The following ZNF420 variants were observed in gnomAD, a reference collection of about 807,000 sequenced individuals.
ZNF420 encodes ATM and p53-associated KZNF protein.
Under a neutral mutation model 44.7 loss-of-function variants are expected in ZNF420, and 31 were observed. The observed-to-expected ratio is 0.69, with a 90% CI of 0.52 to 0.94. The LOEUF (loss-of-function observed/expected upper bound fraction) is 0.94, where lower values mean the gene tolerates loss of function less well. ZNF420 is among the 40% of genes least tolerant of loss of function. The pLI, the probability that ZNF420 is intolerant of heterozygous loss-of-function variation, is 0.00. For missense variants in ZNF420, 681 were observed against 827.9 expected (o/e 0.82, Z 2.18); for synonymous variants, 245 against 267.4 (o/e 0.92, Z 0.82).
intron 4 of ZNF420, among the ~76,000 whole-genome samples, chr19:37,110,565 A>G (rs971312967): frequency 6.6e-6 from 1 of 152,208 alleles, no homozygotes; most frequent in Non-Finnish European, 1.5e-5. Context: ...TTGTTGTAAT[A>G]AATTGAATAG....
chr19:37,112,666 G>A (rs1342312465), intron 4 of ZNF420, among the ~76,000 whole-genome samples: 1 of 152,102 alleles, frequency 6.6e-6, no homozygotes, highest in Non-Finnish European at 1.5e-5. Flanking sequence ...AAACCCTCCT[G>A]TTCTTTTTAT....
At chr19:37,101,221 C>T (rs1969759053) in intron 4 of ZNF420, among the ~76,000 whole-genome samples, 6 of 152,062 alleles carry the variant, frequency 3.9e-5, no homozygotes, top group Admixed American at 3.9e-4. Context: ...AGGCCGGAAC[C>T]TGGTATCTCA....
At chr19:37,122,257 T>C (rs1971088956) in intron 4 of ZNF420, among the ~76,000 whole-genome samples, 1 of 152,140 alleles carries the variant, frequency 6.6e-6, no homozygotes, top group African/African-American at 2.4e-5. Flanking sequence ...ATGTGGCACA[T>C]ATATACCATG....
intron 1 of ZNF420, among the ~76,000 whole-genome samples, chr19:37,011,418 C>T (rs1240506619): frequency 6.6e-6 from 1 of 152,164 alleles, no homozygotes; most frequent in Non-Finnish European, 1.5e-5. Context: ...TGAGGGACAT[C>T]CTCTTCTGAG....
At position 37,078,506 on chromosome 19, in the gene ZNF420, G is replaced by T. The variant is rs961977902; in HGVS notation, c.-189G>T. The T allele has an allele frequency of 2.0e-5, 3 of 152,376 alleles. No homozygotes were observed. Among genetic ancestry groups the T allele is most frequent in the Admixed American group, 1.3e-4 (2 of 15,290 alleles). The allele number at this position is 152,376 out of a possible 1,614,324, so 9.4% of individuals were successfully genotyped here. A position where few individuals can be genotyped will look rare whatever the true frequency, so the allele number is the denominator to read the frequency against. The stretch of plus-strand genomic sequence containing the variant: ...TTGGCTCCGCACCTGCTGGGCTGGC[G>T]AACCCGAAATTGGGCTTGGAACCCG... On this transcript the variant is annotated 5_prime_UTR_variant, in exon 1 of 5. Coordinates refer to ENST00000337995, the MANE Select transcript of ZNF420 (RefSeq NM_144689.5).
intron 4 of ZNF420, chr19:37,111,794 C>T (rs896060908): frequency 6.6e-6 from 1 of 152,150 alleles, no homozygotes; most frequent in African/African-American, 2.4e-5. Flanking sequence ...CACAATCCTG[C>T]TCCACCAGAG....
intron 1 of ZNF420, among the ~76,000 whole-genome samples, chr19:37,056,710 C>T (rs1292951405): frequency 2.0e-5 from 3 of 152,224 alleles, no homozygotes; most frequent in Non-Finnish European, 4.4e-5. Context: ...CCCTGCTCAC[C>T]TGGTGGGATT....
intron 4 of ZNF420, among the ~76,000 whole-genome samples, chr19:37,124,099 C>T (rs993354284): frequency 1.3e-5 from 2 of 152,150 alleles, no homozygotes; most frequent in African/African-American, 4.8e-5. Flanking sequence ...CAACCTCTCC[C>T]CTTTAACCAT....
chr19:37,121,595 C>T (rs1362759313), intron 4 of ZNF420, among the ~76,000 whole-genome samples: 1 of 152,160 alleles, frequency 6.6e-6, no homozygotes, highest in African/African-American at 2.4e-5. Context: ...ACACCAAAAG[C>T]AATGGCAACA....
At chr19:37,120,274 C>T (rs1204489704) in intron 4 of ZNF420, among the ~76,000 whole-genome samples, 1 of 152,180 alleles carries the variant, frequency 6.6e-6, no homozygotes, top group Admixed American at 6.6e-5. Context: ...CTTATCCCAC[C>T]ATGATCAAGT....
intron 1 of ZNF420, among the ~76,000 whole-genome samples, chr19:37,036,466 C>A (rs112614261): frequency 6.6e-6 from 1 of 152,134 alleles, no homozygotes; most frequent in Non-Finnish European, 1.5e-5. Flanking sequence ...CTCCTGCCCC[C>A]CGTTCATTCA....
Position 37,012,764 on chromosome 19 carries a change from C to CTGTGTG in ZNF420, c.-125+4683_-125+4684insGTGTGT, listed in dbSNP as rs759249724. On this transcript the variant is annotated intron_variant, in intron 1 of 4. Transcript: ENST00000587029. The stretch of plus-strand genomic sequence containing the variant: ...GTGCTTCTGTGCCACTGCTATATGT[C>CTGTGTG]TCTGTGTGTGTGTGTGTGTGTGTGT... Among the ~76,000 whole-genome samples the CTGTGTG allele has an allele frequency of 3.7e-3, 484 of 132,354 alleles. 17 individuals carry two copies. The highest frequency in any genetic ancestry group is 0.011 in the African/African-American group (366 of 32,854). The allele number at this position is 132,354 out of a possible 152,430, so 86.8% of individuals were successfully genotyped here.
At chr19:37,041,107 T>A (rs977163676) in intron 1 of ZNF420, among the ~76,000 whole-genome samples, 5 of 152,002 alleles carry the variant, frequency 3.3e-5, no homozygotes, top group Admixed American at 6.6e-5. Context: ...GAGGGTCACC[T>A]GAGGTCAGGA....
At chr19:37,119,379 C>T (rs142759289) in intron 4 of ZNF420, among the ~76,000 whole-genome samples, 3,674 of 152,180 alleles carry the variant, frequency 0.024, 162 homozygotes, top group African/African-American at 0.083. Context: ...CTACTGGGTA[C>T]ATAATGAAAT....
At chr19:37,114,243 A>C (rs905161820) in intron 4 of ZNF420, among the ~76,000 whole-genome samples, 8 of 152,120 alleles carry the variant, frequency 5.3e-5, no homozygotes, top group African/African-American at 9.7e-5. Flanking sequence ...GCTGCTGAGG[A>C]TATAGCGCCC....
In ZNF420 at chr19:37,129,791, C is replaced by A; in HGVS notation, c.*733C>A. The A allele has an allele frequency of 2.9e-6, 1 of 350,608 alleles. No individual in the cohort carries two copies. Among genetic ancestry groups the A allele is most frequent in the African/African-American group, 2.2e-5 (1 of 45,604 alleles). 21.7% of individuals were successfully genotyped at this position (350,608 alleles called of 1,614,324 possible). A position where few individuals can be genotyped will look rare whatever the true frequency, so the allele number is the denominator to read the frequency against. On this transcript the variant is annotated 3_prime_UTR_variant, in exon 5 of 5. Coordinates refer to ENST00000337995, the MANE Select transcript of ZNF420 (RefSeq NM_144689.5). ...TGGATGTAATCAGTGTATTATTGAG[C>A]ACAGCTGTTAGAGAAGTGGGACAAG...
chr19:37,057,833 C>A (rs1406145159), intron 1 of ZNF420, among the ~76,000 whole-genome samples: 1 of 152,044 alleles, frequency 6.6e-6, no homozygotes, highest in African/African-American at 2.4e-5. Context: ...GGGAGCAGAC[C>A]GATGTCAAAG....
intron 1 of ZNF420, among the ~76,000 whole-genome samples, chr19:37,052,606 C>A (rs1967659535): frequency 6.6e-6 from 1 of 152,164 alleles, no homozygotes; most frequent in African/African-American, 2.4e-5. Flanking sequence ...GATTTTATTT[C>A]TCCTTCTCTT....
Position 37,128,985 on chromosome 19 carries a change from A to C in ZNF420, c.1994A>C (p.His665Pro). 1.9e-6 allele frequency: 3 copies of C among 1,614,118 alleles called. No individual in the cohort carries two copies. The highest frequency in any genetic ancestry group is 8.5e-7 in the Non-Finnish European group (1 of 1,179,980). ...GSQLTQHQRI[H>P]ISEKSFEYKE... ...CAGCTAACTCAACATCAGAGAATTC[A>C]TATCAGTGAGAAATCTTTTGAATAT... Residue 665 changes from histidine (H) to proline (P), a missense_variant, in exon 5 of 5, where the codon CAT becomes CCT. Physicochemically the swap from His to Pro is moderately conservative, Grantham distance 77. This residue lies in a region of ZNF420 where 280 missense variants were observed against 338.6 expected (regional missense o/e 0.83). Transcript: ENST00000337995.
Sources: gnomAD v4.1 joint callset for allele counts (sites outside exome capture counted in the v4.1 genomes callset) on GRCh38, gnomAD v4.1.1 for gene constraint, gnomAD v4.1.1 regional missense constraint, MANE v1.5 for transcripts, NCBI Gene and HGNC (gene_info 2026-07-23, HGNC 2026-07-21) for gene names.